GSG1L: variants seen among roughly 807,000 people sequenced by gnomAD.
GSG1L encodes germ cell-specific gene 1-like protein.
In GSG1L, 24 loss-of-function variants were observed where a neutral mutation model predicts 42.1. The ratio of observed to expected loss-of-function variants is 0.57; its 90% CI spans 0.41 to 0.80. GSG1L has a LOEUF of 0.80. Ranked by LOEUF, GSG1L falls within the 30% of genes least tolerant of loss-of-function variation. GSG1L has a pLI of 0.00. For missense variants in GSG1L, 445 were observed against 472.2 expected (o/e 0.94, Z 0.53); for synonymous variants, 215 against 203.5 (o/e 1.06, Z -0.48).
intron 6 of GSG1L, among the ~76,000 whole-genome samples, chr16:27,799,883 C>T (rs894059868): frequency 2.3e-4 from 35 of 152,162 alleles, no homozygotes; most frequent in African/African-American, 8.2e-4. Context: ...CTGGCAGTAG[C>T]TTCAAAGGGA....
At chr16:27,858,361 T>A (rs1234818854) in intron 3 of GSG1L, among the ~76,000 whole-genome samples, 1 of 152,202 alleles carries the variant, frequency 6.6e-6, no homozygotes, top group Non-Finnish European at 1.5e-5. Flanking sequence ...CATTACACCC[T>A]ATTTGAAAAA....
chr16:28,042,913 G>A (rs1483541815), intron 1 of GSG1L, among the ~76,000 whole-genome samples: 2 of 152,170 alleles, frequency 1.3e-5, no homozygotes, highest in Non-Finnish European at 2.9e-5. Context: ...AAGCCAAATG[G>A]GGAAAGCACG....
At chr16:27,881,395 C>G (rs1055069329) in intron 3 of GSG1L, among the ~76,000 whole-genome samples, 1 of 151,972 alleles carries the variant, frequency 6.6e-6, no homozygotes, top group Non-Finnish European at 1.5e-5. Flanking sequence ...GTGTGCACCA[C>G]CATGCCCAGC....
intron 3 of GSG1L, among the ~76,000 whole-genome samples, chr16:27,876,488 A>G (rs1943435128): frequency 6.6e-6 from 1 of 152,256 alleles, no homozygotes. Flanking sequence ...CAGTGAGCGC[A>G]TGGCTCACAT....
Position 27,826,408 on chromosome 16 carries a change from G to C in GSG1L, c.830+2381C>G, listed in dbSNP as rs1042308662. The stretch of plus-strand genomic sequence containing the variant: ...CCCTTCCTCGTCCTCGTCCTCTGCT[G>C]AGCCCTGAGGATGTGCAGTGATGCC... On this transcript the variant is annotated intron_variant, in intron 5 of 6. Coordinates refer to ENST00000447459, the MANE Select transcript of GSG1L (RefSeq NM_001109763.2). Among the ~76,000 whole-genome samples the C allele has an allele frequency of 8.5e-5, 13 of 152,326 alleles. No homozygotes were observed. In the South Asian group the frequency reaches 2.7e-3, roughly 32 times the overall value.
At chr16:27,916,199 G>A (rs1308976826) in intron 2 of GSG1L, among the ~76,000 whole-genome samples, 1 of 152,100 alleles carries the variant, frequency 6.6e-6, no homozygotes, top group Non-Finnish European at 1.5e-5. Flanking sequence ...CTTCCCAGGG[G>A]GTCAGTCTCT....
At chr16:27,863,492 T>C (rs114702009) in intron 3 of GSG1L, 1 of 152,336 alleles carries the variant, frequency 6.6e-6, no homozygotes, top group African/African-American at 2.4e-5. Context: ...TCTTGTATGG[T>C]TGGATCTTGC....
At chr16:28,054,509 A>G (rs1014918063) in intron 1 of GSG1L, among the ~76,000 whole-genome samples, 3 of 152,034 alleles carry the variant, frequency 2.0e-5, no homozygotes, top group Non-Finnish European at 4.4e-5. Flanking sequence ...GCCACCTGTA[A>G]TCCCAGCTAC....
At chr16:27,973,286 C>G (rs1485759049) in intron 1 of GSG1L, among the ~76,000 whole-genome samples, 1 of 151,702 alleles carries the variant, frequency 6.6e-6, no homozygotes, top group African/African-American at 2.4e-5. Context: ...CCCGTCTCTA[C>G]TGAAAATACA....
intron 2 of GSG1L, among the ~76,000 whole-genome samples, chr16:27,900,694 A>G (rs191808626): frequency 1.2e-3 from 179 of 152,348 alleles, no homozygotes; most frequent in African/African-American, 4.1e-3. Context: ...TTTCCAGGAC[A>G]TGGACCCTTT....
intron 2 of GSG1L, among the ~76,000 whole-genome samples, chr16:27,928,430 C>T (rs2084619549): frequency 2.6e-5 from 4 of 152,234 alleles, no homozygotes; most frequent in African/African-American, 9.6e-5. Context: ...GGTGACTTGG[C>T]CCTTCCCAGT....
At chr16:28,052,779 G>A (rs1042611328) in intron 1 of GSG1L, among the ~76,000 whole-genome samples, 2 of 152,250 alleles carry the variant, frequency 1.3e-5, no homozygotes, top group Non-Finnish European at 2.9e-5. Context: ...GCTGAGGAGG[G>A]CAGAAAACAG....
At chr16:27,981,205 AG>A (rs2085323035) in intron 1 of GSG1L, among the ~76,000 whole-genome samples, 1 of 152,186 alleles carries the variant, frequency 6.6e-6, no homozygotes, top group Non-Finnish European at 1.5e-5. Flanking sequence ...GCTGGTTCAA[AG>A]TTTGACCCTG....
intron 1 of GSG1L, among the ~76,000 whole-genome samples, chr16:28,003,226 T>C (rs944051116): frequency 2.0e-5 from 3 of 152,192 alleles, no homozygotes; most frequent in African/African-American, 7.2e-5. Flanking sequence ...AAAAGCGCTA[T>C]CTGGAGGCTG....
intron 2 of GSG1L, among the ~76,000 whole-genome samples, chr16:27,906,637 G>T (rs1181798289): frequency 6.6e-6 from 1 of 152,074 alleles, no homozygotes; most frequent in African/African-American, 2.4e-5. Flanking sequence ...TCTGCACTCA[G>T]GTCTCAGTTC....
At chr16:27,923,158 A>G (rs1207233050) in intron 2 of GSG1L, among the ~76,000 whole-genome samples, 1 of 152,174 alleles carries the variant, frequency 6.6e-6, no homozygotes, top group African/African-American at 2.4e-5. Context: ...CTGCAAAAAA[A>G]CCTGGTACTG....
At chr16:28,061,478 C>T (rs2086340472) in intron 1 of GSG1L, among the ~76,000 whole-genome samples, 1 of 152,102 alleles carries the variant, frequency 6.6e-6, no homozygotes, top group Admixed American at 6.6e-5. Context: ...TCAGCCACCC[C>T]CAGAAGAGAG....
intron 2 of GSG1L, among the ~76,000 whole-genome samples, chr16:27,962,515 CT>C (rs2085082061): frequency 6.6e-6 from 1 of 152,314 alleles, no homozygotes; most frequent in African/African-American, 2.4e-5. Context: ...TACTTTCAAA[CT>C]TTTATAAAGG....
chr16:28,031,090 A>G (rs1396064650), intron 1 of GSG1L, among the ~76,000 whole-genome samples: 1 of 140,856 alleles, frequency 7.1e-6, no homozygotes, highest in Non-Finnish European at 1.5e-5. Context: ...CTGAGTTGGG[A>G]TGGGATGGGT....
Sources: gnomAD v4.1 joint callset for allele counts (sites outside exome capture counted in the v4.1 genomes callset) on GRCh38, gnomAD v4.1.1 for gene constraint, MANE v1.5 for transcripts, NCBI Gene and HGNC (gene_info 2026-07-23, HGNC 2026-07-21) for gene names.